The following ANKRD11 variants were observed in gnomAD, a reference collection of about 807,000 sequenced individuals.
The protein encoded by ANKRD11 is ankyrin repeat domain-containing protein 11.
ANKRD11 carries 17 observed loss-of-function variants against 195.7 expected under a neutral mutation model. The observed-to-expected ratio is 0.09, with a 90% CI of 0.06 to 0.13. ANKRD11 has a LOEUF of 0.13. ANKRD11 is among the 10% of genes least tolerant of loss of function. ANKRD11 has a pLI of 1.00. For missense variants in ANKRD11, 3,735 were observed against 3,566.1 expected, an observed-to-expected ratio of 1.05 and a Z score of -1.21; for synonymous variants, 1,953 against 1,528.1, an observed-to-expected ratio of 1.28 and a Z score of -6.49.
chr16:89,419,588 A>G (rs2042431804), intron 1 of ANKRD11, among the ~76,000 whole-genome samples: 1 of 152,202 alleles, frequency 6.6e-6, no homozygotes, highest in African/African-American at 2.4e-5. Flanking sequence ...CCATCCAAAC[A>G]TCAGGCTCTC....
chr16:89,432,764 A>G (rs953645528), intron 1 of ANKRD11, among the ~76,000 whole-genome samples: 5 of 152,002 alleles, frequency 3.3e-5, no homozygotes, highest in Non-Finnish European at 7.4e-5. Flanking sequence ...GGGCAACACA[A>G]TGGGACCCCA....
intron 2 of ANKRD11, chr16:89,403,658 G>C (rs993896178): frequency 2.6e-5 from 4 of 152,244 alleles, no homozygotes; most frequent in Admixed American, 6.5e-5. Context: ...AGGTGAGCAC[G>C]ACAGCACGTG....
intron 1 of ANKRD11, among the ~76,000 whole-genome samples, chr16:89,419,337 C>T (rs1484309362): frequency 6.6e-6 from 1 of 151,726 alleles, no homozygotes; most frequent in African/African-American, 2.4e-5. Flanking sequence ...CCTGTAACCC[C>T]AACTACTTGG....
rs1337658259 is a variant in ANKRD11, at chr16:89,281,438, C to T, written c.5104G>A (p.Gly1702Ser). The T allele has an allele frequency of 6.2e-7, 1 of 1,613,138 alleles. No individual in the cohort carries two copies. The highest frequency in any genetic ancestry group is 8.5e-7 in the Non-Finnish European group (1 of 1,179,324). Residue 1702 changes from glycine to serine, a missense_variant, in exon 9 of 13, where the codon GGC becomes AGC. Gly to Ser is a moderately conservative substitution (Grantham distance 56). Transcript: ENST00000301030. This position sits in a 1 kb window ranked among gnomAD's most constrained non-coding sequence, Gnocchi z 5.5. ...SPRPDQSRPTGVPTPTSVLSC... is the reference protein window; with the variant it reads ...SPRPDQSRPTSVPTPTSVLSC... ...AGCACCGACGTAGGGGTGGGCACGC[C>T]AGTGGGCCGGCTCTGGTCAGGCCTG...
At chr16:89,312,246 G>A (rs760913431) in intron 3 of ANKRD11, among the ~76,000 whole-genome samples, 59 of 152,354 alleles carry the variant, frequency 3.9e-4, no homozygotes, top group Admixed American at 2.0e-3. Flanking sequence ...GGAGCTCGGC[G>A]TTCACAGCAT....
intron 2 of ANKRD11, among the ~76,000 whole-genome samples, chr16:89,381,354 A>AGCGG (rs1555560067): frequency 8.0e-6 from 1 of 125,346 alleles, no homozygotes; most frequent in Non-Finnish European, 1.6e-5. Context: ...AAAAAAAAAA[A>AGCGG]GGGGTGAGAA....
chr16:89,432,691 C>A (rs906440271), intron 1 of ANKRD11, among the ~76,000 whole-genome samples: 1 of 152,124 alleles, frequency 6.6e-6, no homozygotes, highest in African/African-American at 2.4e-5. Flanking sequence ...ACCAGTCACA[C>A]ACTCACCCCC....
At chr16:89,275,324 C>A in intron 9 of ANKRD11, 133 bp from the exon 10 acceptor site, 1 of 703,258 alleles carries the variant, frequency 1.4e-6, no homozygotes, top group South Asian at 1.8e-5. Context: ...CTCCTCCAGT[C>A]CCAGCAACAG....
At chr16:89,369,701 G>C (rs2040111426) in intron 2 of ANKRD11, among the ~76,000 whole-genome samples, 1 of 152,202 alleles carries the variant, frequency 6.6e-6, no homozygotes, top group South Asian at 2.1e-4. Flanking sequence ...ACAGGCATCT[G>C]CATCTGTGAT....
intron 2 of ANKRD11, among the ~76,000 whole-genome samples, chr16:89,382,918 G>T (rs936805662): frequency 6.6e-6 from 1 of 152,162 alleles, no homozygotes. Flanking sequence ...TCGGCTCACT[G>T]CAACCTCTGC....
Position 89,399,575 on chromosome 16 carries a change from C to T in ANKRD11, c.-60+18709G>A, listed in dbSNP as rs541936201. ...GCAGTGAAACTACTCTGTATGATAC[C>T]ACAACGGTGGGTCCACATCAGGATA... On this transcript the variant is annotated intron_variant, in intron 2 of 12. Transcript: ENST00000301030. Among the ~76,000 whole-genome samples the T allele has an allele frequency of 2.0e-5, 3 of 152,176 alleles. No homozygotes were observed. The South Asian group carries it at 6.2e-4, about 32-fold the overall frequency.
chr16:89,391,345 G>T (rs1009217337), intron 2 of ANKRD11, among the ~76,000 whole-genome samples: 3 of 152,088 alleles, frequency 2.0e-5, no homozygotes, highest in Admixed American at 6.5e-5. Flanking sequence ...GGGTGCTGGA[G>T]TGCTGGCAGT....
intron 1 of ANKRD11, among the ~76,000 whole-genome samples, chr16:89,463,529 A>G (rs964727160): frequency 6.6e-6 from 1 of 152,318 alleles, no homozygotes; most frequent in Admixed American, 6.5e-5. Context: ...GGACACAAAC[A>G]CTGCGGAAGG....
chr16:89,278,109 G>T (rs1198367241), intron 9 of ANKRD11: 1 of 239,216 alleles, frequency 4.2e-6, no homozygotes, highest in Middle Eastern at 1.6e-3. Flanking sequence ...TAGGCACAGT[G>T]TGAGTGGAGT....
At chr16:89,357,682 C>T (rs561852226) in intron 2 of ANKRD11, among the ~76,000 whole-genome samples, 4 of 152,182 alleles carry the variant, frequency 2.6e-5, no homozygotes, top group Non-Finnish European at 4.4e-5. Context: ...TCAGCCCTAA[C>T]GAGGAATGCC....
At chr16:89,441,560 G>A (rs1441770686) in intron 1 of ANKRD11, among the ~76,000 whole-genome samples, 1 of 152,010 alleles carries the variant, frequency 6.6e-6, no homozygotes, top group African/African-American at 2.4e-5. Context: ...GAGGTCAGCA[G>A]ATGGAGACCA....
chr16:89,292,739 A>G (rs1597491903), intron 4 of ANKRD11, among the ~76,000 whole-genome samples: 1 of 152,288 alleles, frequency 6.6e-6, no homozygotes, highest in East Asian at 1.9e-4. Flanking sequence ...CCTGGCAAAC[A>G]CGGTGGTTGG....
intron 2 of ANKRD11, among the ~76,000 whole-genome samples, chr16:89,401,093 C>G (rs1258871835): frequency 3.6e-5 from 5 of 137,956 alleles, no homozygotes; most frequent in Non-Finnish European, 7.9e-5. Flanking sequence ...CTCTCCCCCC[C>G]ACCCGCCCTC....
intron 2 of ANKRD11, among the ~76,000 whole-genome samples, chr16:89,368,415 G>T (rs2040048391): frequency 9.3e-6 from 1 of 107,432 alleles, no homozygotes; most frequent in Non-Finnish European, 1.8e-5. Context: ...TAGAGATGGG[G>T]TTTCACCATC....
Sources: allele counts gnomAD v4.1 joint callset (sites outside exome capture counted in the v4.1 genomes callset), GRCh38; gene constraint gnomAD v4.1.1; non-coding constraint Gnocchi (gnomAD v3.1); transcripts MANE v1.5; gene names NCBI Gene and HGNC (gene_info 2026-07-23, HGNC 2026-07-21).